The following CDH18 variants were observed in gnomAD, a reference collection of about 807,000 sequenced individuals.
CDH18 encodes cadherin-18.
Under a neutral mutation model 67.9 loss-of-function variants are expected in CDH18, and 31 were observed. The ratio of observed to expected loss-of-function variants is 0.46; its 90% CI spans 0.34 to 0.62. CDH18 has a LOEUF of 0.62. CDH18 is among the 20% of genes least tolerant of loss of function. CDH18 has a pLI of 0.01. For synonymous variants in CDH18, 362 were observed against 347.2 expected (o/e 1.04, Z -0.48); for missense variants, 890 against 975.5 (o/e 0.91, Z 1.17).
chr5:20,105,360 G>A (rs1387348405), intron 2 of CDH18, among the ~76,000 whole-genome samples: 4 of 152,122 alleles, frequency 2.6e-5, no homozygotes. Context: ...AGAAAAACTT[G>A]AGAAAAAGAA....
chr5:19,599,596 A>G (rs1156708451), intron 6 of CDH18, among the ~76,000 whole-genome samples: 1 of 152,146 alleles, frequency 6.6e-6, no homozygotes, highest in East Asian at 1.9e-4. Flanking sequence ...GTAGCAGTAA[A>G]GAGTGACTAA....
intron 1 of CDH18, among the ~76,000 whole-genome samples, chr5:20,550,535 T>C (rs1296517865): frequency 6.6e-6 from 1 of 152,216 alleles, no homozygotes; most frequent in African/African-American, 2.4e-5. Flanking sequence ...AACATTAATG[T>C]TGTCCATCAA....
chr5:19,858,431 C>T (rs1784527382), intron 2 of CDH18, among the ~76,000 whole-genome samples: 1 of 152,046 alleles, frequency 6.6e-6, no homozygotes, highest in African/African-American at 2.4e-5. Context: ...ATTTTAGGGA[C>T]TTTTTGATAA....
intron 2 of CDH18, among the ~76,000 whole-genome samples, chr5:19,920,195 A>G (rs952072958): frequency 1.3e-5 from 2 of 152,232 alleles, no homozygotes; most frequent in African/African-American, 4.8e-5. Flanking sequence ...GTTATAATTC[A>G]TATCTTAGAG....
At chr5:20,367,835 G>C (rs1390360388) in intron 1 of CDH18, among the ~76,000 whole-genome samples, 2 of 152,110 alleles carry the variant, frequency 1.3e-5, no homozygotes, top group East Asian at 3.9e-4. Flanking sequence ...CCTTTAACAT[G>C]TATTTGTTTT....
At chr5:19,837,841 A>G (rs542797395) in intron 3 of CDH18, among the ~76,000 whole-genome samples, 2 of 152,254 alleles carry the variant, frequency 1.3e-5, no homozygotes, top group South Asian at 2.1e-4. Flanking sequence ...GCAGTCACGG[A>G]TATTCTACTG....
rs192859773 is a variant in CDH18 at position 20,388,575 on chromosome 5, C to G, written c.-579-133070G>C. 4.7e-3 allele frequency among the ~76,000 whole-genome samples: 715 copies of G among 152,202 alleles called. 6 individuals carry two copies. The highest frequency in any genetic ancestry group is 5.5e-3 in the Non-Finnish European group (373 of 68,010). On this transcript the variant is annotated intron_variant, in intron 1 of 14. Transcript: ENST00000507958. ...TTTTGTGTCTCTATCTCCTTCAGTT[C>G]TGCTCTGATCTTAGTTATTTCATGC...
intron 1 of CDH18, among the ~76,000 whole-genome samples, chr5:20,547,569 A>AG (rs1261693546): frequency 6.6e-6 from 1 of 151,840 alleles, no homozygotes; most frequent in Non-Finnish European, 1.5e-5. Context: ...AGAAAAAAAA[A>AG]AAAAGAATCA....
intron 1 of CDH18, among the ~76,000 whole-genome samples, chr5:20,505,508 A>C (rs1281241537): frequency 6.6e-6 from 1 of 152,204 alleles, no homozygotes; most frequent in East Asian, 1.9e-4. Flanking sequence ...AATATGACTT[A>C]ATGTTAGACT....
chr5:19,740,731 A>T (rs1251613898), intron 4 of CDH18, among the ~76,000 whole-genome samples: 2 of 152,146 alleles, frequency 1.3e-5, no homozygotes, highest in Non-Finnish European at 2.9e-5. Context: ...AAAACCAAGT[A>T]TCATTTCATC....
intron 2 of CDH18, among the ~76,000 whole-genome samples, chr5:19,977,386 T>C (rs1283809438): frequency 6.6e-6 from 1 of 152,094 alleles, no homozygotes; most frequent in African/African-American, 2.4e-5. Flanking sequence ...TACCTAGAAT[T>C]CAATTATTTG....
chr5:19,873,783 G>T (rs184009786), intron 2 of CDH18, among the ~76,000 whole-genome samples: 2 of 152,178 alleles, frequency 1.3e-5, no homozygotes, highest in East Asian at 3.9e-4. Context: ...GAGTAGCTGG[G>T]ACTACAGGAA....
chr5:20,120,191 A>T, intron 2 of CDH18, among the ~76,000 whole-genome samples: 1 of 152,120 alleles, frequency 6.6e-6, no homozygotes, highest in East Asian at 1.9e-4. Flanking sequence ...TAGGATGTAG[A>T]TATGGATTAA....
At chr5:19,918,940 T>C (rs1466319042) in intron 2 of CDH18, among the ~76,000 whole-genome samples, 1 of 152,028 alleles carries the variant, frequency 6.6e-6, no homozygotes, top group Middle Eastern at 3.2e-3. Flanking sequence ...TAGCTTTAGA[T>C]TGAGGACTGG....
chr5:20,182,469 G>T (rs141368729), intron 2 of CDH18, among the ~76,000 whole-genome samples: 2 of 151,762 alleles, frequency 1.3e-5, no homozygotes, highest in African/African-American at 2.4e-5. Flanking sequence ...GGGTATGGTG[G>T]TGCATGCCTA....
chr5:20,241,867 A>AT (rs1561904814), intron 2 of CDH18, among the ~76,000 whole-genome samples: 3 of 111,588 alleles, frequency 2.7e-5, no homozygotes, highest in Admixed American at 9.1e-5. Flanking sequence ...AAAAAAAAAT[A>AT]AAATAAAATA....
intron 1 of CDH18, among the ~76,000 whole-genome samples, chr5:20,534,690 C>T (rs1344663826): frequency 2.0e-5 from 3 of 151,940 alleles, no homozygotes; most frequent in African/African-American, 7.2e-5. Context: ...CCATATCTTA[C>T]AGGCTTTAAA....
At chr5:20,456,937 T>C (rs1750875967) in intron 1 of CDH18, among the ~76,000 whole-genome samples, 2 of 152,224 alleles carry the variant, frequency 1.3e-5, no homozygotes. Flanking sequence ...TTTACGAAGT[T>C]GATTTGTCTT....
chr5:19,852,635 A>T (rs1375459685), intron 2 of CDH18, among the ~76,000 whole-genome samples: 3 of 152,078 alleles, frequency 2.0e-5, no homozygotes, highest in South Asian at 2.1e-4. Context: ...AAGCCATGGC[A>T]TACCATGATG....
Sources: allele counts gnomAD v4.1 joint callset (sites outside exome capture counted in the v4.1 genomes callset), GRCh38; gene constraint gnomAD v4.1.1; transcripts MANE v1.5; gene names NCBI Gene and HGNC (gene_info 2026-07-23, HGNC 2026-07-21).